The following ERCC6 variants were observed in gnomAD, a reference collection of about 807,000 sequenced individuals.
ERCC6 encodes the protein DNA excision repair protein ERCC-6.
Under a neutral mutation model 158.7 loss-of-function variants are expected in ERCC6, and 116 were observed. The ratio of observed to expected loss-of-function variants is 0.73; its 90% CI spans 0.63 to 0.85. The LOEUF is 0.85. ERCC6 is among the 40% of genes least tolerant of loss of function. ERCC6 has a pLI of 0.00. For missense variants in ERCC6, 1,698 were observed against 1,799.4 expected (o/e 0.94, Z 1.02); for synonymous variants, 678 against 659.3 (o/e 1.03, Z -0.43).
the ERCC6 span, among the ~76,000 whole-genome samples, chr10:49,445,590 T>C: frequency 1.3e-5 from 2 of 152,164 alleles, no homozygotes; most frequent in Non-Finnish European, 2.9e-5. Context: ...AATTAAAAAA[T>C]GTAATGGTTT....
intron 1 of ERCC6, among the ~76,000 whole-genome samples, chr10:49,538,716 A>G (rs1216439393): frequency 6.6e-6 from 1 of 152,218 alleles, no homozygotes; most frequent in East Asian, 1.9e-4. Context: ...TCGGAGAAGT[A>G]GCTGGGTCGC....
the ERCC6 span, among the ~76,000 whole-genome samples, chr10:49,441,764 T>A: frequency 6.6e-6 from 1 of 152,218 alleles, no homozygotes; most frequent in Admixed American, 6.5e-5. Flanking sequence ...TGCACAGGGT[T>A]TTCCTGGTGT....
rs896553981 is a variant in ERCC6, at chr10:49,500,618, T to C, written c.1605A>G (p.Gly535=). The C allele has an allele frequency of 1.2e-6, 2 of 1,613,842 alleles. No homozygotes were observed. The highest frequency in any genetic ancestry group is 1.7e-6 in the Non-Finnish European group (2 of 1,179,920). The change falls in exon 7 of 21, where the codon GGA becomes GGG. Residue 535 remains glycine (G), a synonymous_variant. Coordinates refer to ENST00000355832, the MANE Select transcript of ERCC6 (RefSeq NM_000124.4). Reference sequence around the variant, plus strand: ...CAATTATCTGGATGGTCTTGCCCAATCCCATTTCATCTCCCAGAATTCCTC... The same window carrying C: ...CAATTATCTGGATGGTCTTGCCCAACCCCATTTCATCTCCCAGAATTCCTC... ...QAGGILGDEM[G]LGKTIQIIAF...
intron 5 of ERCC6, among the ~76,000 whole-genome samples, chr10:49,513,691 G>A (rs1241858782): frequency 6.6e-6 from 1 of 152,118 alleles, no homozygotes. Flanking sequence ...AAGCTCTCAT[G>A]AAAACTAACT....
chr10:49,459,222 T>C lies in ERCC6; in HGVS notation c.4075A>G (p.Lys1359Glu), dbSNP rs776383043. Residue 1359 changes from lysine (K) to glutamate (E), a missense_variant, in exon 21 of 21, where the codon AAA (lysine) becomes GAA (glutamate). Lys to Glu is a moderately conservative substitution (Grantham distance 56). Transcript: ENST00000355832. ...GGGACATTATCTTTTCCCTCCTTTT[T>C]CATGATGCCATCCTATAAAAAGAAG... ...PTEKCQDGIM[K>E]KEGKDNVPEH... 3.1e-6 allele frequency: 5 copies of C among 1,614,176 alleles called. No homozygotes were observed. The Admixed American group carries it at 5.0e-5, about 16-fold the overall frequency.
At chr10:49,529,354 C>T (rs1301902511) in intron 3 of ERCC6, among the ~76,000 whole-genome samples, 5 of 152,256 alleles carry the variant, frequency 3.3e-5, no homozygotes, top group Admixed American at 6.5e-5. Flanking sequence ...TAGTCTACCT[C>T]TAACCATCAA....
chr10:49,439,300 T>C, the ERCC6 span, among the ~76,000 whole-genome samples: 4 of 152,278 alleles, frequency 2.6e-5, no homozygotes, highest in Admixed American at 2.0e-4. Context: ...AATTCTTGTC[T>C]TCTGTGCATC....
chr10:49,482,163 A>G (rs933733703), intron 10 of ERCC6, among the ~76,000 whole-genome samples: 1 of 152,162 alleles, frequency 6.6e-6, no homozygotes, highest in South Asian at 2.1e-4. Context: ...CTGTTGCCCT[A>G]ATCAAGAATG....
intron 10 of ERCC6, among the ~76,000 whole-genome samples, chr10:49,481,341 T>TA (rs1419600609): frequency 3.9e-5 from 6 of 151,928 alleles, no homozygotes; most frequent in African/African-American, 9.7e-5. Context: ...TAAATTTTTT[T>TA]AAAAAAAAGA....
the ERCC6 span, among the ~76,000 whole-genome samples, chr10:49,447,911 T>A: frequency 6.6e-6 from 1 of 152,198 alleles, no homozygotes; most frequent in Admixed American, 6.5e-5. Flanking sequence ...ACTGTGTAGA[T>A]AGACCACATT....
chr10:49,484,127 A>T (rs1040450198), intron 8 of ERCC6, among the ~76,000 whole-genome samples: 7 of 151,598 alleles, frequency 4.6e-5, no homozygotes, highest in African/African-American at 9.7e-5. Context: ...AAAAAATTTT[A>T]AAAGTTAGCT....
intron 8 of ERCC6, among the ~76,000 whole-genome samples, chr10:49,490,938 G>A (rs975707851): frequency 2.0e-5 from 3 of 152,146 alleles, no homozygotes; most frequent in African/African-American, 7.2e-5. Flanking sequence ...CTGAGTTAGA[G>A]GACGAATCAC....
intron 5 of ERCC6, among the ~76,000 whole-genome samples, chr10:49,511,843 G>A (rs1836824870): frequency 6.6e-6 from 1 of 152,150 alleles, no homozygotes; most frequent in South Asian, 2.1e-4. Context: ...ACCGAATGTA[G>A]GCAAAAGAGG....
intron 5 of ERCC6, among the ~76,000 whole-genome samples, chr10:49,513,761 C>G (rs183339162): frequency 3.3e-5 from 5 of 152,272 alleles, no homozygotes; most frequent in African/African-American, 4.8e-5. Context: ...CATCAGGTTC[C>G]TCCCTTGACA....
At chr10:49,438,559 C>T in the ERCC6 span, among the ~76,000 whole-genome samples, 1 of 152,082 alleles carries the variant, frequency 6.6e-6, no homozygotes, top group Non-Finnish European at 1.5e-5. Flanking sequence ...GGGACACAGC[C>T]AAACCATATC....
intron 3 of ERCC6, among the ~76,000 whole-genome samples, chr10:49,528,921 A>T (rs1475065762): frequency 2.0e-5 from 3 of 152,242 alleles, no homozygotes; most frequent in African/African-American, 7.2e-5. Flanking sequence ...GGGCTATGGA[A>T]GTCAACAGGC....
rs1387267559 is a variant in ERCC6 at position 49,524,115 on chromosome 10, C to T, written c.1315G>A (p.Val439Ile). The T allele has an allele frequency of 1.9e-6, 3 of 1,613,944 alleles. No individual in the cohort carries two copies. The highest frequency in any genetic ancestry group is 2.2e-5 in the East Asian group (1 of 44,904). ...SSGEEAEAAS[V>I]GEGGGGGRKV... ...CGACCTCCTCCTCCTCCTTCTCCTA[C>T]AGAAGCAGCTTCAGCTTCTTCCCCA... Residue 439 changes from valine (V) to isoleucine (I), a missense_variant, in exon 5 of 21, where the codon GTA (valine) becomes ATA (isoleucine). Transcript: ENST00000355832.
In ERCC6 at chr10:49,459,197, G is replaced by C. The variant is rs1191937897; in HGVS notation, c.4100C>G (p.Pro1367Arg). 2 of 1,614,112 alleles carry C rather than the reference G, an allele frequency of 1.2e-6. No individual in the cohort carries two copies. The highest frequency in any genetic ancestry group is 4.5e-5 in the East Asian group (2 of 44,882). ...TTCTGCTCTTCCACTAAAATGCTCAGGGACATTATCTTTTCCCTCCTTTTT... is the reference window on the plus strand; with the variant it reads ...TTCTGCTCTTCCACTAAAATGCTCACGGACATTATCTTTTCCCTCCTTTTT... Reference protein sequence around the residue: ...IMKKEGKDNVPEHFSGRAEDA... With the variant: ...IMKKEGKDNVREHFSGRAEDA... The change falls in exon 21 of 21, where the codon CCT (proline) becomes CGT (arginine). Residue 1367 changes from proline to arginine, a missense_variant. By Grantham distance (103) the Pro-to-Arg change is moderately radical. Transcript: ENST00000355832.
chr10:49,437,620 G>A, the ERCC6 span, among the ~76,000 whole-genome samples: 122 of 152,202 alleles, frequency 8.0e-4, no homozygotes, highest in African/African-American at 2.9e-3. Flanking sequence ...ACTAGTACAG[G>A]CATAACCAAA....
Sources: gnomAD v4.1 joint callset for allele counts (sites outside exome capture counted in the v4.1 genomes callset) on GRCh38, gnomAD v4.1.1 for gene constraint, MANE v1.5 for transcripts, NCBI Gene and HGNC (gene_info 2026-07-23, HGNC 2026-07-21) for gene names.